The following FRMD4B variants were observed in gnomAD, a reference collection of about 807,000 sequenced individuals.
The protein encoded by FRMD4B is FERM domain containing 4B.
FRMD4B carries 74 observed loss-of-function variants against 141.5 expected under a neutral mutation model. The observed-to-expected ratio is 0.52, with a 90% confidence interval of 0.43 to 0.63. The LOEUF is 0.63. Ranked by LOEUF, FRMD4B falls within the 30% of genes least tolerant of loss-of-function variation. The pLI is 0.00. For missense variants in FRMD4B, 1,366 were observed against 1,253.4 expected (o/e 1.09, Z -1.36); for synonymous variants, 506 against 467.9 (o/e 1.08, Z -1.05).
At chr3:69,381,861 T>C (rs1704128155) in intron 1 of FRMD4B, among the ~76,000 whole-genome samples, 1 of 152,218 alleles carries the variant, frequency 6.6e-6, no homozygotes, top group Non-Finnish European at 1.5e-5. Context: ...CTTTCCTCCC[T>C]GGCAGCTCTG....
chr3:69,175,676 TA>T (rs2092636248), intron 22 of FRMD4B, among the ~76,000 whole-genome samples: 1 of 151,578 alleles, frequency 6.6e-6, no homozygotes. Context: ...TACCATAATT[TA>T]AAAAATAAAA....
intron 1 of FRMD4B, among the ~76,000 whole-genome samples, chr3:69,365,919 TA>T (rs1271172754): frequency 4.6e-5 from 7 of 152,030 alleles, no homozygotes; most frequent in Admixed American, 1.3e-4. Context: ...AGCATTGTCT[TA>T]GTAAAAATTA....
rs541826643 is a variant in FRMD4B, at chr3:69,192,710, A to T, written c.1714+938T>A. On this transcript the variant is annotated intron_variant, in intron 17 of 22. Coordinates refer to ENST00000398540, the MANE Select transcript of FRMD4B (RefSeq NM_015123.3). ...TTTCTCAGCCAGTCTTTGTGTGTGC[A>T]TATTTCTATAAAATTGGGATCATGT... Among the ~76,000 whole-genome samples, 31 of 152,340 alleles carry T rather than the reference A, an allele frequency of 2.0e-4. No individual in the cohort carries two copies. In the South Asian group the frequency reaches 6.4e-3, roughly 32 times the overall value.
chr3:69,419,716 T>C lies in FRMD4B; in HGVS notation c.-1+12918A>G, dbSNP rs1350637086. 1.5e-4 allele frequency among the ~76,000 whole-genome samples: 23 copies of C among 151,992 alleles called. 1 individual carries two copies. The highest frequency in any genetic ancestry group is 4.4e-5 in the Non-Finnish European group (3 of 68,008). On this transcript the variant is annotated intron_variant, in intron 2 of 5. Transcript: ENST00000459638. ...AAGTGCATGGATGGCAACTCCACATTTGGGAAAAGGATGGAAGAGGCCTTG... is the reference window on the plus strand; with the variant it reads ...AAGTGCATGGATGGCAACTCCACATCTGGGAAAAGGATGGAAGAGGCCTTG...
At chr3:69,362,834 T>G (rs1194212848) in intron 1 of FRMD4B, among the ~76,000 whole-genome samples, 2 of 152,222 alleles carry the variant, frequency 1.3e-5, no homozygotes, top group African/African-American at 4.8e-5. Flanking sequence ...ATTCTGAACT[T>G]AAACATTTTC....
chr3:69,440,229 T>C (rs554687667), intron 1 of FRMD4B, among the ~76,000 whole-genome samples: 1 of 152,350 alleles, frequency 6.6e-6, no homozygotes, highest in South Asian at 2.1e-4. Flanking sequence ...CAATTTATTC[T>C]TGTACAAACT....
chr3:69,288,157 A>G (rs569276406), intron 4 of FRMD4B, among the ~76,000 whole-genome samples: 2 of 152,264 alleles, frequency 1.3e-5, no homozygotes, highest in Admixed American at 1.3e-4. Flanking sequence ...CTGGGAGTTC[A>G]TAATACCTCA....
intron 1 of FRMD4B, among the ~76,000 whole-genome samples, chr3:69,371,839 C>T (rs568350138): frequency 5.9e-5 from 9 of 152,302 alleles, no homozygotes; most frequent in African/African-American, 2.2e-4. Context: ...CTTGCTGTAT[C>T]TCCACTGCCT....
At chr3:69,473,417 T>G (rs970219858) in intron 1 of FRMD4B, among the ~76,000 whole-genome samples, 12 of 152,144 alleles carry the variant, frequency 7.9e-5, no homozygotes, top group African/African-American at 2.9e-4. Flanking sequence ...ATTCTACAAT[T>G]TGGCTTCATT....
intron 1 of FRMD4B, among the ~76,000 whole-genome samples, chr3:69,475,982 T>G (rs1209004499): frequency 1.3e-5 from 2 of 151,744 alleles, no homozygotes; most frequent in Non-Finnish European, 2.9e-5. Flanking sequence ...TTTCATATGT[T>G]TTTTTGGCTG....
At chr3:69,385,757 A>T in intron 1 of FRMD4B, 71 bp downstream of exon 1, 7 of 1,294,386 alleles carry the variant, frequency 5.4e-6, no homozygotes, top group Non-Finnish European at 6.2e-6. Flanking sequence ...AAAATCATAC[A>T]GGTGGAGCCT....
chr3:69,306,604 G>A (rs1701400382), intron 3 of FRMD4B: 3 of 152,180 alleles, frequency 2.0e-5, no homozygotes. Context: ...GCCCTAACAA[G>A]CGTAATCTCA....
At chr3:69,273,001 T>G (rs2093602615) in intron 5 of FRMD4B, among the ~76,000 whole-genome samples, 1 of 152,232 alleles carries the variant, frequency 6.6e-6, no homozygotes, top group Non-Finnish European at 1.5e-5. Flanking sequence ...AGAAGCTCAT[T>G]ATTGACTTTT....
At chr3:69,264,816 A>C (rs1222863692) in intron 5 of FRMD4B, among the ~76,000 whole-genome samples, 1 of 152,208 alleles carries the variant, frequency 6.6e-6, no homozygotes, top group Non-Finnish European at 1.5e-5. Context: ...TGTGTATCAC[A>C]GTTTCAAAGA....
intron 1 of FRMD4B, among the ~76,000 whole-genome samples, chr3:69,435,692 T>C (rs1055586492): frequency 6.6e-6 from 1 of 152,214 alleles, no homozygotes; most frequent in African/African-American, 2.4e-5. Context: ...TAATCAGGTT[T>C]CTTTACAGTA....
intron 5 of FRMD4B, among the ~76,000 whole-genome samples, chr3:69,257,927 A>T (rs1205989263): frequency 6.6e-6 from 1 of 152,210 alleles, no homozygotes; most frequent in African/African-American, 2.4e-5. Context: ...CCTGGGTTCA[A>T]GCAATTATCC....
intron 2 of FRMD4B, among the ~76,000 whole-genome samples, chr3:69,417,257 G>A (rs1235776071): frequency 6.6e-6 from 1 of 152,182 alleles, no homozygotes; most frequent in Non-Finnish European, 1.5e-5. Flanking sequence ...ACTGGTGTGA[G>A]ATGGTATCTC....
At chr3:69,196,769 T>C (rs2092910275) in intron 13 of FRMD4B, 131 bp downstream of exon 13, 2 of 664,252 alleles carry the variant, frequency 3.0e-6, no homozygotes, top group East Asian at 2.8e-5. Flanking sequence ...CCTGAAATAG[T>C]TGGAAGTTAA....
chr3:69,200,388 C>T, intron 11 of FRMD4B: 1 of 986,518 alleles, frequency 1.0e-6, no homozygotes, highest in East Asian at 1.1e-4. Context: ...TTAAAATCTC[C>T]ACAAACTTGA....
Sources: gnomAD v4.1 joint callset for allele counts (sites outside exome capture counted in the v4.1 genomes callset) on GRCh38, gnomAD v4.1.1 for gene constraint, MANE v1.5 for transcripts, NCBI Gene and HGNC (gene_info 2026-07-23, HGNC 2026-07-21) for gene names.